Variants in BIRC6 observed in about 807,000 individuals in gnomAD.
BIRC6 encodes the protein baculoviral IAP repeat containing 6.
A neutral mutation model predicts 503.3 loss-of-function variants in BIRC6; 98 were observed. The observed-to-expected ratio is 0.19, with a 90% CI of 0.17 to 0.23. BIRC6 has a LOEUF of 0.23. Ranked by LOEUF, BIRC6 falls within the 10% of genes least tolerant of loss-of-function variation. The pLI, the probability that BIRC6 is intolerant of heterozygous loss-of-function variation, is 1.00. For missense variants in BIRC6, 5,360 were observed against 5,806.0 expected, an observed-to-expected ratio of 0.92 and a Z score of 2.50; for synonymous variants, 2,240 against 2,078.7, an observed-to-expected ratio of 1.08 and a Z score of -2.11.
intron 66 of BIRC6, among the ~76,000 whole-genome samples, chr2:32,587,606 C>G (rs1438353856): frequency 6.6e-6 from 1 of 152,000 alleles, no homozygotes; most frequent in East Asian, 1.9e-4. Context: ...CACCTGTAAT[C>G]CTAGCTACTC....
intron 3 of BIRC6, among the ~76,000 whole-genome samples, chr2:32,384,075 GGA>G (rs1193732041): frequency 6.6e-6 from 1 of 152,196 alleles, no homozygotes; most frequent in Non-Finnish European, 1.5e-5. Flanking sequence ...CCACTTCAAT[GGA>G]AGTGTTGTTG....
Position 32,469,626 on chromosome 2 carries a change from A to G in BIRC6, c.6347+12A>G. On this transcript the variant is annotated intron_variant, in intron 30 of 73. Coordinates refer to ENST00000421745, the MANE Select transcript of BIRC6 (RefSeq NM_016252.4). ...TTTCCACAGGATAGGTAGGTCAGAAAATGTTGGAGGTATTTGTTATTAATG... is the reference window on the plus strand; with the variant it reads ...TTTCCACAGGATAGGTAGGTCAGAAGATGTTGGAGGTATTTGTTATTAATG... The G allele has an allele frequency of 6.3e-7, 1 of 1,587,424 alleles. No homozygotes were observed. Among genetic ancestry groups the G allele is most frequent in the Non-Finnish European group, 8.6e-7 (1 of 1,161,728 alleles).
At chr2:32,358,349 A>C (rs888259914) in intron 1 of BIRC6, among the ~76,000 whole-genome samples, 2 of 149,256 alleles carry the variant, frequency 1.3e-5, no homozygotes, top group Non-Finnish European at 2.9e-5. Context: ...GGGTGGCGTA[A>C]ACCTTGGTCC....
In BIRC6 at chr2:32,401,330, C is replaced by T. The variant is rs1486003756; in HGVS notation, c.1202C>T (p.Ala401Val). The change falls in exon 7 of 74, where the codon GCT (alanine) becomes GTT (valine). Residue 401 changes from alanine (A) to valine (V), a missense_variant. Physicochemically the swap from Ala to Val is moderately conservative, Grantham distance 64 (BLOSUM62 0). Around this residue, in one of 16 missense-constraint regions of BIRC6, gnomAD observed 92 missense variants for 176.7 expected, o/e 0.52. Coordinates refer to ENST00000421745, the MANE Select transcript of BIRC6 (RefSeq NM_016252.4). ...FGSGSCPHFL[A>V]AATKRGKICI... is the part of the protein sequence containing the mutation. ...TCGGGGAGCTGCCCTCATTTTCTAG[C>T]TGCTGCAACTAAACGAGGAAAGATC... is the stretch of plus-strand genomic sequence containing the variant. 1.2e-6 allele frequency: 2 copies of T among 1,614,002 alleles called. No individual in the cohort carries two copies. The highest frequency in any genetic ancestry group is 2.2e-5 in the South Asian group (2 of 91,088).
At chr2:32,438,687 G>A (rs945515769) in intron 15 of BIRC6, among the ~76,000 whole-genome samples, 1 of 151,554 alleles carries the variant, frequency 6.6e-6, no homozygotes, top group African/African-American at 2.4e-5. Context: ...AGCCTCCTGA[G>A]TAGTTGGGAC....
At chr2:32,536,849 G>A (rs2057281411) in intron 61 of BIRC6, among the ~76,000 whole-genome samples, 1 of 152,002 alleles carries the variant, frequency 6.6e-6, no homozygotes, top group Admixed American at 6.6e-5. Flanking sequence ...AATTACCTTG[G>A]GTAGTATAGC....
chr2:32,462,698 T>G (rs763563874), intron 23 of BIRC6, among the ~76,000 whole-genome samples: 12 of 152,240 alleles, frequency 7.9e-5, no homozygotes, highest in Non-Finnish European at 1.6e-4. Context: ...GGCTCACACC[T>G]GTAATCCCAG....
intron 65 of BIRC6, among the ~76,000 whole-genome samples, chr2:32,561,359 A>G (rs2059172607): frequency 6.6e-6 from 1 of 151,512 alleles, no homozygotes; most frequent in African/African-American, 2.4e-5. Context: ...CTCCTGCCTC[A>G]GCGACCTGAG....
At chr2:32,545,577 T>C (rs2058001732) in intron 62 of BIRC6, 66 bp from the exon 63 acceptor site, 1 of 1,318,248 alleles carries the variant, frequency 7.6e-7, no homozygotes, top group African/African-American at 1.5e-5. Flanking sequence ...TTTATGACCC[T>C]GTATGTAACT....
intron 72 of BIRC6, among the ~76,000 whole-genome samples, chr2:32,608,928 G>A (rs886334838): frequency 3.3e-5 from 5 of 151,806 alleles, no homozygotes; most frequent in Non-Finnish European, 7.4e-5. Flanking sequence ...TGCCTGTGCT[G>A]GAATACAGTG....
intron 65 of BIRC6, chr2:32,558,010 T>A (rs1432873205): frequency 1.3e-5 from 2 of 152,248 alleles, no homozygotes; most frequent in East Asian, 3.9e-4. Flanking sequence ...AGCTAGTAAA[T>A]ACTAGAAAAT....
intron 9 of BIRC6, 77 bp from the exon 10 acceptor site, chr2:32,414,692 T>A: frequency 9.9e-7 from 1 of 1,010,342 alleles, no homozygotes; most frequent in East Asian, 2.9e-5. Context: ...AATAAATAAA[T>A]AATTTTACTT....
At chr2:32,400,048 C>T (rs966126494) in intron 6 of BIRC6, among the ~76,000 whole-genome samples, 5 of 152,070 alleles carry the variant, frequency 3.3e-5, no homozygotes, top group African/African-American at 9.7e-5. Context: ...ACCACCTTGG[C>T]CCCCCGAAGT....
chr2:32,389,629 G>C (rs1425670313), intron 4 of BIRC6, among the ~76,000 whole-genome samples: 1 of 152,212 alleles, frequency 6.6e-6, no homozygotes, highest in East Asian at 1.9e-4. Flanking sequence ...CCAAGGTTTA[G>C]AAATGCTGTA....
At position 32,387,326 on chromosome 2, in the gene BIRC6, A is replaced by G. The variant is rs1206717160; in HGVS notation, c.646-1424A>G. Among the ~76,000 whole-genome samples the G allele has an allele frequency of 4.2e-5, 6 of 142,432 alleles. No individual in the cohort carries two copies. In the South Asian group the frequency reaches 6.6e-4, roughly 16 times the overall value. 93.4% of individuals were successfully genotyped at this position (142,432 alleles called of 152,430 possible). On this transcript the variant is annotated intron_variant, in intron 3 of 73. Transcript: ENST00000421745. Reference sequence around the variant, plus strand: ...CTTTTTTTTTTTTTTTTTTTTAGCAATTCAAGTCATGTTTTTGTCTACAAG... The same window carrying G: ...CTTTTTTTTTTTTTTTTTTTTAGCAGTTCAAGTCATGTTTTTGTCTACAAG...
intron 65 of BIRC6, among the ~76,000 whole-genome samples, chr2:32,560,248 T>C (rs566979155): frequency 6.6e-6 from 1 of 152,344 alleles, no homozygotes; most frequent in South Asian, 2.1e-4. Flanking sequence ...AGTAATGAAA[T>C]TTAAAGTTCT....
intron 65 of BIRC6, among the ~76,000 whole-genome samples, chr2:32,567,616 A>G (rs1041606485): frequency 2.6e-5 from 4 of 152,346 alleles, no homozygotes; most frequent in Middle Eastern, 3.4e-3. Context: ...ACTAAAGCTA[A>G]ATGTACCAAG....
At chr2:32,441,533 C>A in intron 17 of BIRC6, 71 bp downstream of exon 17, 2 of 1,367,024 alleles carry the variant, frequency 1.5e-6, no homozygotes, top group South Asian at 1.6e-5. Flanking sequence ...CACACATACA[C>A]ACACAAATAA....
Position 32,595,127 on chromosome 2 carries a change from T to C in BIRC6, c.13595T>C (p.Met4532Thr). The C allele has an allele frequency of 1.3e-6, 2 of 1,589,882 alleles. No homozygotes were observed. Among genetic ancestry groups the C allele is most frequent in the Non-Finnish European group, 1.7e-6 (2 of 1,171,944 alleles). Residue 4532 changes from methionine (M) to threonine (T), a missense_variant, in exon 68 of 74, where the codon ATG (methionine) becomes ACG (threonine). Met to Thr is a moderately conservative substitution (Grantham distance 81). Transcript: ENST00000421745. The stretch of plus-strand genomic sequence containing the variant: ...CTTGAAGAAAAATATGTGGCTGTTA[T>C]GAAGAAATTACAGTTTGGTAAGATG... The part of the protein sequence containing the change: ...KSLEEKYVAV[M>T]KKLQFDTFEM...
Sources: allele counts gnomAD v4.1 joint callset (sites outside exome capture counted in the v4.1 genomes callset), GRCh38; gene constraint gnomAD v4.1.1; regional missense constraint gnomAD v4.1.1; transcripts MANE v1.5; gene names NCBI Gene and HGNC (gene_info 2026-07-23, HGNC 2026-07-21).